The following COX10 variants were observed in gnomAD, a reference collection of about 807,000 sequenced individuals.
COX10 encodes protoheme IX farnesyltransferase, mitochondrial.
COX10 carries 27 observed loss-of-function variants against 37.3 expected under a neutral mutation model. The observed-to-expected ratio is 0.72, with a 90% CI of 0.53 to 1.00. The LOEUF (loss-of-function observed/expected upper bound fraction) is 1.00. COX10 is among the 50% of genes least tolerant of loss of function. COX10 has a pLI of 0.00. For synonymous variants in COX10, 222 were observed against 229.1 expected (o/e 0.97, Z 0.28); for missense variants, 475 against 563.2 (o/e 0.84, Z 1.59).
chr17:14,143,652 A>G (rs1361742459), intron 4 of COX10, among the ~76,000 whole-genome samples: 1 of 152,132 alleles, frequency 6.6e-6, no homozygotes, highest in Admixed American at 6.6e-5. Flanking sequence ...TCAAAAACAA[A>G]CTGTAATCTT....
Position 14,107,261 on chromosome 17 carries a change from A to G in COX10, c.624+5019A>G, listed in dbSNP as rs1915914809. 2.6e-5 allele frequency among the ~76,000 whole-genome samples: 4 copies of G among 151,892 alleles called. No individual in the cohort carries two copies. The South Asian group carries it at 8.3e-4, about 32-fold the overall frequency. On this transcript the variant is annotated intron_variant, in intron 4 of 6. Transcript: ENST00000261643. ...GAGATCTTTGCCCAAGATCCTGGCTATAATTTCTGTCTCAGGCAAACGCTG... is the reference window on the plus strand; with the variant it reads ...GAGATCTTTGCCCAAGATCCTGGCTGTAATTTCTGTCTCAGGCAAACGCTG...
At chr17:14,112,670 A>G (rs1916028794) in intron 4 of COX10, among the ~76,000 whole-genome samples, 1 of 152,118 alleles carries the variant, frequency 6.6e-6, no homozygotes, top group Non-Finnish European at 1.5e-5. Context: ...TGTGAAGGTC[A>G]CGAAAGCTTC....
At chr17:14,200,948 C>T (rs1906525666) in intron 6 of COX10, among the ~76,000 whole-genome samples, 1 of 152,180 alleles carries the variant, frequency 6.6e-6, no homozygotes, top group Admixed American at 6.5e-5. Flanking sequence ...GTTCTCCTGC[C>T]CTGCACTAAG....
chr17:14,188,488 A>AC (rs1367764289), intron 5 of COX10, among the ~76,000 whole-genome samples: 3,748 of 150,968 alleles, frequency 0.025, 112 homozygotes, highest in African/African-American at 0.071. Flanking sequence ...AAAAAAAAAA[A>AC]CTATTTCTCA....
chr17:14,144,912 G>A (rs1333431156), intron 4 of COX10, among the ~76,000 whole-genome samples: 2 of 152,088 alleles, frequency 1.3e-5, no homozygotes, highest in African/African-American at 2.4e-5. Flanking sequence ...GGGCAAAACT[G>A]AGCACAGTTA....
chr17:14,155,092 A>T (rs1243371525), intron 4 of COX10, among the ~76,000 whole-genome samples: 2 of 152,218 alleles, frequency 1.3e-5, no homozygotes, highest in African/African-American at 2.4e-5. Context: ...AGAGTGAACC[A>T]GGAAGGGTAG....
At chr17:14,150,752 G>A (rs1446533591) in intron 4 of COX10, among the ~76,000 whole-genome samples, 4 of 152,176 alleles carry the variant, frequency 2.6e-5, no homozygotes, top group Non-Finnish European at 5.9e-5. Flanking sequence ...GGATTCTTTA[G>A]CATTTGAGAC....
At chr17:14,099,317 C>T (rs537916189) in intron 3 of COX10, among the ~76,000 whole-genome samples, 10 of 152,224 alleles carry the variant, frequency 6.6e-5, no homozygotes, top group Admixed American at 2.6e-4. Context: ...GAACTACCAT[C>T]GAACCCAGCC....
At chr17:14,167,136 G>A (rs1393591295) in intron 5 of COX10, among the ~76,000 whole-genome samples, 1 of 152,186 alleles carries the variant, frequency 6.6e-6, no homozygotes, top group African/African-American at 2.4e-5. Flanking sequence ...GTATGACCTT[G>A]AGGAGTTTAA....
At chr17:14,166,015 A>G (rs78310148) in intron 5 of COX10, among the ~76,000 whole-genome samples, 1,685 of 152,358 alleles carry the variant, frequency 0.011, 24 homozygotes, top group African/African-American at 0.039. Context: ...GGATTGGTTC[A>G]TGAGGTTTAA....
At chr17:14,095,545 G>T (rs1440490377) in intron 3 of COX10, among the ~76,000 whole-genome samples, 4 of 152,092 alleles carry the variant, frequency 2.6e-5, no homozygotes, top group Non-Finnish European at 5.9e-5. Context: ...ATTTTCTATT[G>T]CAGTGAAGCA....
chr17:14,194,134 CAGGA>C (rs1410251922), intron 6 of COX10, among the ~76,000 whole-genome samples: 1 of 152,020 alleles, frequency 6.6e-6, no homozygotes, highest in African/African-American at 2.4e-5. Context: ...ACAGGTAGTA[CAGGA>C]GACTGGTATG....
intron 4 of COX10, among the ~76,000 whole-genome samples, chr17:14,147,458 G>A (rs1023652507): frequency 6.6e-6 from 1 of 152,060 alleles, no homozygotes; most frequent in Non-Finnish European, 1.5e-5. Context: ...AAACAATGGA[G>A]CCCATGGAGA....
At chr17:14,100,333 A>C (rs1915748408) in intron 3 of COX10, among the ~76,000 whole-genome samples, 1 of 152,176 alleles carries the variant, frequency 6.6e-6, no homozygotes, top group African/African-American at 2.4e-5. Context: ...CCCCAAATAC[A>C]GCAGTGAACT....
chr17:14,150,086 A>G (rs751034848), intron 4 of COX10, among the ~76,000 whole-genome samples: 3 of 152,230 alleles, frequency 2.0e-5, no homozygotes, highest in South Asian at 2.1e-4. Flanking sequence ...AGCCTGGACA[A>G]TATGGTGAAA....
rs573028988 is a variant in COX10, at chr17:14,080,561, A to G, written c.499+3505A>G. ...CTGTAGAGTCCACTCCTGCATAAGCAGTCTTTACCAGTTTCGCCAATTTGA... is the reference window on the plus strand; with the variant it reads ...CTGTAGAGTCCACTCCTGCATAAGCGGTCTTTACCAGTTTCGCCAATTTGA... On this transcript the variant is annotated intron_variant, in intron 3 of 6. Transcript: ENST00000261643. Among the ~76,000 whole-genome samples the G allele has an allele frequency of 1.8e-4, 28 of 152,318 alleles. No individual in the cohort carries two copies. In the South Asian group the frequency reaches 5.6e-3, roughly 30 times the overall value.
chr17:14,092,270 CT>C (rs1915544982), intron 3 of COX10, among the ~76,000 whole-genome samples: 1 of 152,094 alleles, frequency 6.6e-6, no homozygotes, highest in Non-Finnish European at 1.5e-5. Flanking sequence ...CAAATGCTTC[CT>C]GGTGAACTGC....
At chr17:14,200,275 G>T (rs375026973) in intron 6 of COX10, among the ~76,000 whole-genome samples, 2 of 152,208 alleles carry the variant, frequency 1.3e-5, no homozygotes, top group Non-Finnish European at 2.9e-5. Context: ...AGTGATGGAG[G>T]TGTGCTGTGG....
chr17:14,159,281 G>T (rs147865684), intron 4 of COX10, among the ~76,000 whole-genome samples: 1 of 152,278 alleles, frequency 6.6e-6, no homozygotes, highest in East Asian at 1.9e-4. Context: ...TACATCAGTA[G>T]CCCATTCCCC....
Sources: gnomAD v4.1 joint callset for allele counts (sites outside exome capture counted in the v4.1 genomes callset) on GRCh38, gnomAD v4.1.1 for gene constraint, MANE v1.5 for transcripts, NCBI Gene and HGNC (gene_info 2026-07-23, HGNC 2026-07-21) for gene names.